Variants in MAP4K5 observed in about 807,000 individuals in gnomAD.
MAP4K5 encodes the protein mitogen-activated protein kinase kinase kinase kinase 5.
MAP4K5 carries 82 observed loss-of-function variants against 135.6 expected under a neutral mutation model. The ratio of observed to expected loss-of-function variants is 0.60; its 90% CI spans 0.51 to 0.73. MAP4K5 has a LOEUF of 0.73. MAP4K5 is among the 30% of genes least tolerant of loss of function. The pLI, the probability that MAP4K5 is intolerant of heterozygous loss-of-function variation, is 0.00. For synonymous variants in MAP4K5, 347 were observed against 335.0 expected (o/e 1.04, Z -0.39); for missense variants, 907 against 1,010.9 (o/e 0.90, Z 1.39).
chr14:50,458,727 G>A (rs2036645250), intron 13 of MAP4K5, among the ~76,000 whole-genome samples: 1 of 151,998 alleles, frequency 6.6e-6, no homozygotes, highest in Non-Finnish European at 1.5e-5. Flanking sequence ...CTTCCCTTGG[G>A]TGATCGATCA....
chr14:50,484,217 A>T (rs543843088), intron 5 of MAP4K5, among the ~76,000 whole-genome samples: 7 of 152,330 alleles, frequency 4.6e-5, no homozygotes, highest in African/African-American at 1.4e-4. Flanking sequence ...AATAGCCTAA[A>T]TCATAGTAAT....
chr14:50,485,176 AC>A (rs534142820), intron 5 of MAP4K5, among the ~76,000 whole-genome samples: 2 of 152,304 alleles, frequency 1.3e-5, no homozygotes, highest in Non-Finnish European at 2.9e-5. Flanking sequence ...ACATATTAAT[AC>A]AAAAATATTA....
chr14:50,538,709 T>C (rs536672442), intron 2 of MAP4K5, among the ~76,000 whole-genome samples: 2 of 152,234 alleles, frequency 1.3e-5, no homozygotes, highest in Non-Finnish European at 2.9e-5. Context: ...GTTCTCCTTT[T>C]CTTTGTCTCT....
intron 1 of MAP4K5, among the ~76,000 whole-genome samples, chr14:50,552,787 G>A (rs1178736626): frequency 6.6e-6 from 1 of 152,136 alleles, no homozygotes; most frequent in Non-Finnish European, 1.5e-5. Flanking sequence ...TCAATAAATG[G>A]TGCTGGGATA....
At position 50,448,660 on chromosome 14, in the gene MAP4K5, A is replaced by C. The variant is rs748482201; in HGVS notation, c.1074+114T>G. ...AACTTTAATACGGGAAAAATTGTCA[A>C]AATTAATGCTTAAAAGAGTATATTA... On this transcript the variant is annotated intron_variant, in intron 15 of 32. Transcript: ENST00000682126. 736 of 595,744 alleles carry C rather than the reference A, an allele frequency of 1.2e-3. 5 individuals carry two copies. The highest frequency in any genetic ancestry group is 7.6e-4 in the Non-Finnish European group (269 of 353,780). 36.9% of individuals were successfully genotyped at this position (595,744 alleles called of 1,614,324 possible).
chr14:50,434,940 A>G, intron 27 of MAP4K5, 22 bp downstream of exon 27: 2 of 1,506,276 alleles, frequency 1.3e-6, no homozygotes, highest in Middle Eastern at 2.2e-4. Flanking sequence ...AAGGAAAAAA[A>G]TGTGAACAAA....
intron 6 of MAP4K5, among the ~76,000 whole-genome samples, chr14:50,478,158 T>A (rs538537450): frequency 6.6e-6 from 1 of 152,286 alleles, no homozygotes; most frequent in Non-Finnish European, 1.5e-5. Context: ...GTAGTTTGTA[T>A]CTCTTGTTGA....
intron 1 of MAP4K5, among the ~76,000 whole-genome samples, chr14:50,548,364 A>C (rs182980607): frequency 3.9e-5 from 6 of 152,154 alleles, no homozygotes; most frequent in Non-Finnish European, 7.4e-5. Context: ...GAAAGCAAAA[A>C]TATTGGTGAA....
chr14:50,525,728 C>G (rs2038249970), intron 2 of MAP4K5, among the ~76,000 whole-genome samples: 1 of 152,088 alleles, frequency 6.6e-6, no homozygotes, highest in Admixed American at 6.6e-5. Context: ...GTGCCAGTCC[C>G]AGCTACTCAG....
At chr14:50,527,838 A>AATAAT (rs1420302828) in intron 2 of MAP4K5, among the ~76,000 whole-genome samples, 2 of 16,396 alleles carry the variant, frequency 1.2e-4, no homozygotes, top group East Asian at 1.3e-3. Context: ...TAATAATAAT[A>AATAAT]AATAAATAAA....
At chr14:50,480,451 C>T (rs968718652) in intron 6 of MAP4K5, among the ~76,000 whole-genome samples, 7 of 151,480 alleles carry the variant, frequency 4.6e-5, no homozygotes, top group African/African-American at 1.5e-4. Flanking sequence ...CCCCTCCGAC[C>T]ATATCAAATC....
At chr14:50,421,019 A>G (rs1454228086) in intron 32 of MAP4K5, among the ~76,000 whole-genome samples, 1 of 152,134 alleles carries the variant, frequency 6.6e-6, no homozygotes, top group Non-Finnish European at 1.5e-5. Flanking sequence ...AACTGCACAT[A>G]ACACTTATTT....
At chr14:50,472,793 T>C (rs1350690066) in intron 9 of MAP4K5, among the ~76,000 whole-genome samples, 1 of 152,206 alleles carries the variant, frequency 6.6e-6, no homozygotes, top group Non-Finnish European at 1.5e-5. Flanking sequence ...AACAGGTAAG[T>C]TTCCATTTTA....
intron 14 of MAP4K5, chr14:50,456,269 CT>C (rs996269288): frequency 5.2e-5 from 24 of 461,764 alleles, no homozygotes; most frequent in African/African-American, 2.0e-4. Flanking sequence ...TTAATTTTCT[CT>C]TTTTTTTCTT....
In MAP4K5 at chr14:50,444,031, C is replaced by G. The variant is rs1384453659; in HGVS notation, c.1345G>C (p.Gly449Arg). 11 of 1,595,134 alleles carry G rather than the reference C, an allele frequency of 6.9e-6. No homozygotes were observed. The highest frequency in any genetic ancestry group is 1.3e-5 in the African/African-American group (1 of 74,746). ...PVAETSSIGNGDGISKLMSEN... is the reference protein window; with the variant it reads ...PVAETSSIGNRDGISKLMSEN... ...CTCATCAGTTTTGAAATACCATCAC[C>G]ATTTCCTAAAGAGAATCATGTTAAA... Residue 449 changes from glycine to arginine, a missense_variant, in exon 19 of 33, where the codon GGT becomes CGT. Gly to Arg is a moderately radical substitution (Grantham distance 125). Coordinates refer to ENST00000682126, the MANE Select transcript of MAP4K5 (RefSeq NM_006575.6).
intron 30 of MAP4K5, among the ~76,000 whole-genome samples, chr14:50,426,342 T>C (rs2035846555): frequency 6.6e-6 from 1 of 152,222 alleles, no homozygotes; most frequent in Non-Finnish European, 1.5e-5. Context: ...ATTAAAAGCA[T>C]TGTTGTTTAA....
intron 2 of MAP4K5, among the ~76,000 whole-genome samples, chr14:50,541,480 G>A (rs1049711649): frequency 2.0e-5 from 3 of 152,126 alleles, no homozygotes; most frequent in African/African-American, 4.8e-5. Context: ...GTGTTTGTTT[G>A]GCCTGTTTGT....
At chr14:50,544,936 C>CAAA (rs35420627) in intron 1 of MAP4K5, among the ~76,000 whole-genome samples, 2 of 58,476 alleles carry the variant, frequency 3.4e-5, no homozygotes, top group Non-Finnish European at 6.4e-5. Context: ...GACCCACTCT[C>CAAA]AAAAAAAAAA....
At chr14:50,560,659 AGG>A (rs1441591504) in intron 1 of MAP4K5, among the ~76,000 whole-genome samples, 1 of 152,136 alleles carries the variant, frequency 6.6e-6, no homozygotes, top group African/African-American at 2.4e-5. Context: ...GGGGGTGGGC[AGG>A]GGGCTGTTGT....
Sources: allele counts gnomAD v4.1 joint callset (sites outside exome capture counted in the v4.1 genomes callset), GRCh38; gene constraint gnomAD v4.1.1; transcripts MANE v1.5; gene names NCBI Gene and HGNC (gene_info 2026-07-23, HGNC 2026-07-21).